The following GALNTL6 variants were observed in gnomAD, a reference collection of about 807,000 sequenced individuals.
The protein encoded by GALNTL6 is polypeptide N-acetylgalactosaminyltransferase-like 6.
Under a neutral mutation model 73.7 loss-of-function variants are expected in GALNTL6, and 46 were observed. The observed-to-expected ratio is 0.62, with a 90% CI of 0.49 to 0.80. The LOEUF (loss-of-function observed/expected upper bound fraction) is 0.80. Ranked by LOEUF, GALNTL6 falls within the 30% of genes least tolerant of loss-of-function variation. The pLI is 0.00. For synonymous variants in GALNTL6, 259 were observed against 263.7 expected (o/e 0.98, Z 0.17); for missense variants, 604 against 755.0 (o/e 0.80, Z 2.34).
chr4:171,967,447 G>GTTTTTTGTTTTTTTTTT (rs1553976625), intron 2 of GALNTL6, among the ~76,000 whole-genome samples: 2 of 14,322 alleles, frequency 1.4e-4, no homozygotes, highest in East Asian at 2.3e-3. Context: ...CCCCCTATGG[G>GTTTTTTGTTTTTTTTTT]TTTTTTTTTT....
At chr4:171,886,765 G>A (rs544725935) in intron 2 of GALNTL6, among the ~76,000 whole-genome samples, 1 of 152,202 alleles carries the variant, frequency 6.6e-6, no homozygotes, top group African/African-American at 2.4e-5. Context: ...GTTGAGATGT[G>A]GATACAAATT....
At chr4:172,909,097 C>T (rs557459509) in intron 8 of GALNTL6, among the ~76,000 whole-genome samples, 25 of 151,764 alleles carry the variant, frequency 1.6e-4, no homozygotes, top group Admixed American at 1.6e-3. Context: ...ATAAAATTAA[C>T]ATTTCAAATC....
At chr4:172,007,030 A>AGG (rs1740863627) in intron 2 of GALNTL6, among the ~76,000 whole-genome samples, 1 of 152,180 alleles carries the variant, frequency 6.6e-6, no homozygotes, top group East Asian at 1.9e-4. Context: ...ATTTATGTGC[A>AGG]AAGAACTTTA....
At chr4:172,847,151 A>G (rs1743555759) in intron 7 of GALNTL6, among the ~76,000 whole-genome samples, 1 of 152,196 alleles carries the variant, frequency 6.6e-6, no homozygotes, top group South Asian at 2.1e-4. Context: ...GACCTATGGC[A>G]AACATGAACC....
At chr4:172,971,318 A>G (rs1254135740) in intron 10 of GALNTL6, among the ~76,000 whole-genome samples, 1 of 152,236 alleles carries the variant, frequency 6.6e-6, no homozygotes, top group East Asian at 1.9e-4. Flanking sequence ...ACACAAGGCC[A>G]TCAAAAAGCA....
rs943904652 is a variant in GALNTL6, at chr4:171,909,195, GA to G, written c.138+94478del. ...AAAAAAGAAAAAAAAAAAAGAAAATGAGGTGAAAGCTAAGGACCAAAACTTT... is the reference window on the plus strand; with the variant it reads ...AAAAAAGAAAAAAAAAAAAGAAAATGGGTGAAAGCTAAGGACCAAAACTTT... On this transcript the variant is annotated intron_variant, in intron 2 of 12. Transcript: ENST00000506823. Among the ~76,000 whole-genome samples the G allele has an allele frequency of 2.1e-3, 321 of 149,534 alleles. 1 individual carries two copies. Among genetic ancestry groups the G allele is most frequent in the African/African-American group, 7.4e-3 (303 of 40,896 alleles).
chr4:172,911,402 C>T (rs1747195572), intron 8 of GALNTL6, among the ~76,000 whole-genome samples: 1 of 152,186 alleles, frequency 6.6e-6, no homozygotes, highest in African/African-American at 2.4e-5. Context: ...TTAGAGACCA[C>T]TCCTTACTTC....
intron 2 of GALNTL6, among the ~76,000 whole-genome samples, chr4:171,907,366 C>G (rs938738198): frequency 2.0e-5 from 3 of 152,108 alleles, no homozygotes; most frequent in Admixed American, 6.5e-5. Context: ...TAACAGAGAG[C>G]CAAATCATGA....
At chr4:172,317,424 G>GTGATCTA (rs1176470195) in intron 4 of GALNTL6, among the ~76,000 whole-genome samples, 2 of 152,098 alleles carry the variant, frequency 1.3e-5, no homozygotes, top group Non-Finnish European at 1.5e-5. Flanking sequence ...CAGCGATCGC[G>GTGATCTA]TGATCTATTC....
intron 5 of GALNTL6, among the ~76,000 whole-genome samples, chr4:172,519,594 C>T (rs1579147657): frequency 6.6e-6 from 1 of 150,916 alleles, no homozygotes; most frequent in Admixed American, 6.6e-5. Context: ...CTTCCACTGA[C>T]AAAGACACTT....
chr4:172,156,403 A>G (rs1734263218), intron 2 of GALNTL6, among the ~76,000 whole-genome samples: 1 of 151,470 alleles, frequency 6.6e-6, no homozygotes, highest in African/African-American at 2.4e-5. Context: ...TTAAAATTTT[A>G]TGGATTTAAA....
At chr4:172,579,414 C>T (rs150382051) in intron 5 of GALNTL6, among the ~76,000 whole-genome samples, 39 of 152,216 alleles carry the variant, frequency 2.6e-4, no homozygotes, top group African/African-American at 9.1e-4. Context: ...ATCTGTGTAT[C>T]ATGGCAGATA....
intron 2 of GALNTL6, among the ~76,000 whole-genome samples, chr4:171,880,410 G>A (rs1736404773): frequency 6.6e-6 from 1 of 152,202 alleles, no homozygotes; most frequent in Admixed American, 6.5e-5. Context: ...TGAATCAGAT[G>A]TTTGTTATTC....
At chr4:172,784,173 C>A (rs7681189) in intron 5 of GALNTL6, among the ~76,000 whole-genome samples, 1 of 151,854 alleles carries the variant, frequency 6.6e-6, no homozygotes, top group Admixed American at 6.6e-5. Context: ...TATAGTTGTA[C>A]AGCAGACAGA....
At position 172,587,586 on chromosome 4, in the gene GALNTL6, C is replaced by T. The variant is rs566659596; in HGVS notation, c.554-221775C>T. The stretch of plus-strand genomic sequence containing the variant: ...TCTCTCATCACCATTCAATATGCAC[C>T]GTACACTCAAACATAAAAGCATTGT... On this transcript the variant is annotated intron_variant, in intron 5 of 12. Transcript: ENST00000506823. Among the ~76,000 whole-genome samples, 4 of 152,306 alleles carry T rather than the reference C, an allele frequency of 2.6e-5. No homozygotes were observed. The East Asian group carries it at 5.8e-4, about 22-fold the overall frequency.
At chr4:172,168,591 A>AGGT (rs910894041) in intron 2 of GALNTL6, among the ~76,000 whole-genome samples, 3 of 150,744 alleles carry the variant, frequency 2.0e-5, no homozygotes, top group Admixed American at 1.3e-4. Context: ...ATGATGGTGG[A>AGGT]GGTGGTGGTG....
At chr4:172,270,201 GTATA>G (rs1173379153) in intron 3 of GALNTL6, among the ~76,000 whole-genome samples, 1 of 151,768 alleles carries the variant, frequency 6.6e-6, no homozygotes, top group African/African-American at 2.4e-5. Flanking sequence ...GTGTGTGTGT[GTATA>G]TGTGTGTGTG....
Position 172,516,095 on chromosome 4 carries a change from T to C in GALNTL6, c.553+167406T>C, listed in dbSNP as rs549588808. On this transcript the variant is annotated intron_variant, in intron 5 of 12. Coordinates refer to ENST00000506823, the MANE Select transcript of GALNTL6 (RefSeq NM_001034845.3). The stretch of plus-strand genomic sequence containing the variant: ...AAGTACCCAGTACCTTTATACATTT[T>C]ACTGGTAGCACATAATAGATTTTTA... Among the ~76,000 whole-genome samples the C allele has an allele frequency of 2.0e-5, 3 of 152,376 alleles. No individual in the cohort carries two copies. The South Asian group carries it at 6.2e-4, about 32-fold the overall frequency.
intron 10 of GALNTL6, among the ~76,000 whole-genome samples, chr4:172,958,024 A>C (rs146202629): frequency 1.8e-4 from 28 of 152,308 alleles, no homozygotes; most frequent in African/African-American, 6.7e-4. Context: ...ATCAGGAATA[A>C]TGTAGGAGGC....
Sources: allele counts gnomAD v4.1 joint callset (sites outside exome capture counted in the v4.1 genomes callset), GRCh38; gene constraint gnomAD v4.1.1; transcripts MANE v1.5; gene names NCBI Gene and HGNC (gene_info 2026-07-23, HGNC 2026-07-21).